UGT2B11: variants seen among roughly 807,000 people sequenced by gnomAD.
UGT2B11 encodes the protein UDP-glucuronosyltransferase 2B11.
In UGT2B11, 49 loss-of-function variants were observed where a neutral mutation model predicts 51.7. That is an observed-to-expected ratio of 0.95 (90% CI 0.75 to 1.20). The LOEUF is 1.20. Among genes scored for constraint, UGT2B11 ranks in the 50% most tolerant of loss-of-function variants. The probability of loss-of-function intolerance (pLI) is 0.00; values close to 1 mark genes in which losing one functional copy is unlikely to be tolerated. For missense variants in UGT2B11, 810 were observed against 622.1 expected, an observed-to-expected ratio of 1.30 and a Z score of -3.21; for synonymous variants, 273 against 209.0, an observed-to-expected ratio of 1.31 and a Z score of -2.64.
chr4:69,220,287 G>A, the UGT2B11 span, among the ~76,000 whole-genome samples: 2 of 152,084 alleles, frequency 1.3e-5, no homozygotes, highest in African/African-American at 4.8e-5. Context: ...CAGGGTACAG[G>A]TCTCCTCTTG....
intron 5 of UGT2B11, among the ~76,000 whole-genome samples, chr4:69,203,994 C>T (rs1223633615): frequency 2.6e-5 from 4 of 151,066 alleles, no homozygotes; most frequent in Admixed American, 1.3e-4. Context: ...TTTAAGCTAT[C>T]GAAATTAAAT....
chr4:69,209,426 C>T (rs1440515145), intron 2 of UGT2B11, among the ~76,000 whole-genome samples: 1 of 151,678 alleles, frequency 6.6e-6, no homozygotes, highest in African/African-American at 2.4e-5. Flanking sequence ...ACACACACCA[C>T]ATTACACTGC....
In UGT2B11 at chr4:69,200,413, T is replaced by C; in HGVS notation, c.*27A>G. ...AACTGAAGTTGTCCTATCTATCTGGTTTTCCAGCTTCAAATGTCAGACATA... is the reference window on the plus strand; with the variant it reads ...AACTGAAGTTGTCCTATCTATCTGGCTTTCCAGCTTCAAATGTCAGACATA... On this transcript the variant is annotated 3_prime_UTR_variant, in exon 6 of 6. Transcript: ENST00000446444. The C allele has an allele frequency of 6.3e-7, 1 of 1,594,582 alleles. No homozygotes were observed. Among genetic ancestry groups the C allele is most frequent in the Non-Finnish European group, 8.6e-7 (1 of 1,169,370 alleles).
chr4:69,202,113 G>T (rs1486021312), intron 5 of UGT2B11, among the ~76,000 whole-genome samples: 2 of 151,662 alleles, frequency 1.3e-5, no homozygotes, highest in East Asian at 3.9e-4. Context: ...CAGTTCTTGG[G>T]TAATTCCATT....
intron 2 of UGT2B11, among the ~76,000 whole-genome samples, chr4:69,209,526 A>G (rs980511433): frequency 4.6e-5 from 7 of 151,762 alleles, no homozygotes; most frequent in Non-Finnish European, 1.0e-4. Flanking sequence ...AAGTATTTTC[A>G]GATTTAATCA....
the UGT2B11 span, among the ~76,000 whole-genome samples, chr4:69,224,093 C>T: frequency 2.1e-4 from 32 of 152,248 alleles, no homozygotes; most frequent in Middle Eastern, 3.4e-3. Context: ...GCCTGATCCT[C>T]GGAGGGCACC....
chr4:69,218,913 T>C (rs569913843), upstream of UGT2B11, among the ~76,000 whole-genome samples: 8 of 152,256 alleles, frequency 5.3e-5, no homozygotes, highest in South Asian at 1.5e-3. Flanking sequence ...CACATGTCCT[T>C]GAAGGTATGG....
chr4:69,214,768 A>T, upstream of UGT2B11: 1 of 1,582,440 alleles, frequency 6.3e-7, no homozygotes, highest in Non-Finnish European at 8.6e-7. Context: ...TTTCTTTCTC[A>T]TACTTATATA....
chr4:69,219,039 G>T (rs954938248), upstream of UGT2B11, among the ~76,000 whole-genome samples: 1 of 152,024 alleles, frequency 6.6e-6, no homozygotes, highest in East Asian at 1.9e-4. Flanking sequence ...TAGTATTCAG[G>T]CACCCCATTC....
the UGT2B11 span, among the ~76,000 whole-genome samples, chr4:69,223,578 G>T: frequency 3.9e-5 from 6 of 152,162 alleles, no homozygotes; most frequent in African/African-American, 1.2e-4. Context: ...TGGGACTGAG[G>T]CACCACTGAT....
At chr4:69,204,303 C>T (rs1721767519) in intron 5 of UGT2B11, 127 bp downstream of exon 5, 1 of 1,391,614 alleles carries the variant, frequency 7.2e-7, no homozygotes, top group Non-Finnish European at 9.6e-7. Context: ...AAGCAGATTT[C>T]AGATTGGTTA....
chr4:69,206,211 C>T (rs1200888865), intron 3 of UGT2B11, among the ~76,000 whole-genome samples: 4 of 151,434 alleles, frequency 2.6e-5, no homozygotes, highest in East Asian at 3.9e-4. Flanking sequence ...ATAGCAAGGA[C>T]ATGCAGTCAA....
intron 5 of UGT2B11, among the ~76,000 whole-genome samples, chr4:69,202,653 G>A (rs1721703859): frequency 6.6e-6 from 1 of 151,570 alleles, no homozygotes; most frequent in Non-Finnish European, 1.5e-5. Flanking sequence ...TGTTAATTGT[G>A]TTCTTCAAAT....
At chr4:69,211,259 A>G (rs1442654869) in intron 2 of UGT2B11, 1 of 151,554 alleles carries the variant, frequency 6.6e-6, no homozygotes, top group African/African-American at 2.4e-5. Flanking sequence ...TTTGAGGTAC[A>G]CATTTATATT....
chr4:69,207,965 C>A (rs1048299325), intron 3 of UGT2B11, among the ~76,000 whole-genome samples: 1 of 151,588 alleles, frequency 6.6e-6, no homozygotes, highest in Non-Finnish European at 1.5e-5. Flanking sequence ...GAAAGTCATT[C>A]TAAAGACTAC....
At chr4:69,202,697 T>A (rs545881902) in intron 5 of UGT2B11, among the ~76,000 whole-genome samples, 4 of 151,884 alleles carry the variant, frequency 2.6e-5, no homozygotes, top group African/African-American at 9.6e-5. Context: ...TGCTCCTTTA[T>A]TAAAAGTCTG....
upstream of UGT2B11, chr4:69,214,905 A>T: frequency 6.3e-6 from 6 of 951,718 alleles, no homozygotes; most frequent in Middle Eastern, 3.4e-4. Context: ...TTACTCAAGG[A>T]TGTTTTATGT....
the UGT2B11 span, among the ~76,000 whole-genome samples, chr4:69,222,863 C>T: frequency 6.6e-6 from 1 of 152,236 alleles, no homozygotes; most frequent in South Asian, 2.1e-4. Flanking sequence ...TTATAAGCAC[C>T]CAAGTTTAAG....
upstream of UGT2B11, among the ~76,000 whole-genome samples, chr4:69,218,514 T>C (rs1164207727): frequency 2.0e-5 from 3 of 151,758 alleles, no homozygotes; most frequent in African/African-American, 7.3e-5. Context: ...AATGTTTTTT[T>C]CTTCAGAGTT....
Sources: allele counts gnomAD v4.1 joint callset (sites outside exome capture counted in the v4.1 genomes callset), GRCh38; gene constraint gnomAD v4.1.1; transcripts MANE v1.5; gene names NCBI Gene and HGNC (gene_info 2026-07-23, HGNC 2026-07-21).